PRKG1: variants seen among roughly 807,000 people sequenced by gnomAD.
PRKG1 encodes the protein protein kinase cGMP-dependent 1, also known as cGMP-dependent protein kinase 1.
A neutral mutation model predicts 88.1 loss-of-function variants in PRKG1; 35 were observed. That is an observed-to-expected ratio of 0.40 (90% CI 0.30 to 0.53). The LOEUF (loss-of-function observed/expected upper bound fraction) is 0.53. Among genes scored for constraint, PRKG1 ranks in the 20% least tolerant of loss-of-function variants. The probability of loss-of-function intolerance (pLI) is 0.59; values close to 1 mark genes in which losing one functional copy is unlikely to be tolerated. For synonymous variants in PRKG1, 303 were observed against 292.5 expected, an observed-to-expected ratio of 1.04 and a Z score of -0.37; for missense variants, 540 against 839.8, an observed-to-expected ratio of 0.64 and a Z score of 4.41.
chr10:51,520,475 T>A (rs934280464), intron 3 of PRKG1, among the ~76,000 whole-genome samples: 3 of 151,950 alleles, frequency 2.0e-5, no homozygotes, highest in Admixed American at 6.6e-5. Context: ...GTCTGTAAAT[T>A]GCATGAGGAA....
intron 3 of PRKG1, among the ~76,000 whole-genome samples, chr10:51,794,280 C>G (rs1838951294): frequency 1.3e-5 from 2 of 152,064 alleles, no homozygotes; most frequent in African/African-American, 4.8e-5. Flanking sequence ...CAACACCCTA[C>G]ATGTAGTAAT....
chr10:52,248,490 C>T (rs1841083168), intron 9 of PRKG1, among the ~76,000 whole-genome samples: 2 of 152,134 alleles, frequency 1.3e-5, no homozygotes, highest in South Asian at 4.1e-4. Flanking sequence ...CAAAATGTAT[C>T]TTACCAATAA....
At chr10:52,058,135 A>T (rs1030530233) in intron 6 of PRKG1, among the ~76,000 whole-genome samples, 1 of 151,944 alleles carries the variant, frequency 6.6e-6, no homozygotes, top group Admixed American at 6.6e-5. Flanking sequence ...TTATTAATGG[A>T]ACTGTTCTAT....
At chr10:51,665,774 T>C (rs1034634751) in intron 3 of PRKG1, among the ~76,000 whole-genome samples, 2 of 152,138 alleles carry the variant, frequency 1.3e-5, no homozygotes, top group East Asian at 1.9e-4. Context: ...AAAGAAATTA[T>C]ACTAATCTCA....
In PRKG1 at chr10:51,531,833, C is replaced by T. The variant is rs141362189; in HGVS notation, c.592+63997C>T. ...CTAATTTTTGTATTTTTAGTAGACA[C>T]GGGGTTTTACCATGTTGACCAGGCT... On this transcript the variant is annotated intron_variant, in intron 3 of 17. Transcript: ENST00000373980. Among the ~76,000 whole-genome samples the T allele has an allele frequency of 1.1e-3, 168 of 151,724 alleles. 1 individual carries two copies. Among genetic ancestry groups the T allele is most frequent in the African/African-American group, 3.6e-3 (151 of 41,376 alleles).
intron 3 of PRKG1, among the ~76,000 whole-genome samples, chr10:51,672,989 A>C (rs549898289): frequency 3.9e-5 from 6 of 152,180 alleles, no homozygotes; most frequent in Non-Finnish European, 8.8e-5. Flanking sequence ...CAGAGACCCA[A>C]GGTTCTGTCT....
chr10:52,161,940 T>C lies in PRKG1; in HGVS notation c.1053T>C (p.Tyr351=). Residue 351 remains tyrosine (Y), a synonymous_variant, in exon 9 of 18, where the codon TAT becomes TAC. Coordinates refer to ENST00000373980, the MANE Select transcript of PRKG1 (RefSeq NM_006258.4). ...TGGATGATGTTTCTAATAAAGCATA[T>C]GAAGATGCAGAAGCTAAAGCAAAGT... ...GGLDDVSNKA[Y]EDAEAKAKYE... is the part of the protein sequence containing the mutation. The C allele has an allele frequency of 6.2e-7, 1 of 1,612,356 alleles. No homozygotes were observed. Among genetic ancestry groups the C allele is most frequent in the South Asian group, 1.1e-5 (1 of 90,954 alleles).
At chr10:51,698,943 CTGGGATCAGTGGTGTGACATGTATCT>C (rs1222966864) in intron 3 of PRKG1, 3 of 1,614,088 alleles carry the variant, frequency 1.9e-6, no homozygotes. Flanking sequence ...TGAGATTTGC[CTGGGATCAGTGGTGTGACATGTATCT>C]TCCGATGCAG....
Position 51,623,522 on chromosome 10 carries a change from A to G in PRKG1, c.592+155686A>G, listed in dbSNP as rs187440829. On this transcript the variant is annotated intron_variant, in intron 3 of 17. Transcript: ENST00000373980. ...TGCACAACCACAATTTCAGTTTTGAAGCCAACTTTTAGTAATTGGGTACTT... is the reference window on the plus strand; with the variant it reads ...TGCACAACCACAATTTCAGTTTTGAGGCCAACTTTTAGTAATTGGGTACTT... Among the ~76,000 whole-genome samples, 239 of 152,212 alleles carry G rather than the reference A, an allele frequency of 1.6e-3. 3 individuals are homozygous for G. In the South Asian group the frequency reaches 0.021, roughly 13 times the overall value.
chr10:51,538,015 C>G (rs6480307), intron 3 of PRKG1, among the ~76,000 whole-genome samples: 121,860 of 152,126 alleles, frequency 0.8, 49,609 homozygotes, highest in East Asian at 0.98. Flanking sequence ...TGAGATAACT[C>G]AATATCAGAC....
intron 8 of PRKG1, among the ~76,000 whole-genome samples, chr10:52,134,336 A>G (rs1445317620): frequency 6.6e-6 from 1 of 152,178 alleles, no homozygotes; most frequent in African/African-American, 2.4e-5. Context: ...TATGCCCTCT[A>G]TTCTCCTATC....
At chr10:51,738,446 G>A (rs544410628) in intron 3 of PRKG1, among the ~76,000 whole-genome samples, 1 of 152,162 alleles carries the variant, frequency 6.6e-6, no homozygotes, top group Admixed American at 6.5e-5. Context: ...CTCTAAGATG[G>A]GCATAGTAAT....
chr10:51,529,995 C>G (rs966124437), intron 3 of PRKG1, among the ~76,000 whole-genome samples: 1 of 152,118 alleles, frequency 6.6e-6, no homozygotes, highest in Non-Finnish European at 1.5e-5. Context: ...TGCTTGCTCT[C>G]TTTTTTAACT....
intron 9 of PRKG1, among the ~76,000 whole-genome samples, chr10:52,206,512 C>T (rs1199262080): frequency 6.6e-6 from 1 of 152,204 alleles, no homozygotes; most frequent in Admixed American, 6.5e-5. Flanking sequence ...AGAGTACTTG[C>T]ACTGGTTCTT....
At chr10:51,127,662 T>C (rs1845465036) in intron 1 of PRKG1, among the ~76,000 whole-genome samples, 1 of 152,186 alleles carries the variant, frequency 6.6e-6, no homozygotes, top group Non-Finnish European at 1.5e-5. Context: ...TGCACACATA[T>C]GTTTATTGCA....
rs115682035 is a variant in PRKG1 at position 51,722,994 on chromosome 10, G to A, written c.593-81591G>A. 8.2e-3 allele frequency among the ~76,000 whole-genome samples: 1,246 copies of A among 152,216 alleles called. 19 individuals carry two copies. Among genetic ancestry groups the A allele is most frequent in the African/African-American group, 0.028 (1,168 of 41,526 alleles). On this transcript the variant is annotated intron_variant, in intron 3 of 17. Transcript: ENST00000373980. ...TGTGGCTCATCCAGCCCTTTGTTTA[G>A]AAGTTTTCTTTCATGAAAGTATGAT...
chr10:52,141,847 T>A (rs1222461238), intron 8 of PRKG1, among the ~76,000 whole-genome samples: 1 of 152,080 alleles, frequency 6.6e-6, no homozygotes, highest in Non-Finnish European at 1.5e-5. Flanking sequence ...TTACCAAGCG[T>A]TTTTTAGAAA....
At chr10:51,890,377 C>T (rs1841688559) in intron 4 of PRKG1, among the ~76,000 whole-genome samples, 1 of 152,160 alleles carries the variant, frequency 6.6e-6, no homozygotes, top group Admixed American at 6.5e-5. Flanking sequence ...TCCATCAAAA[C>T]TTACAGGTAT....
intron 3 of PRKG1, among the ~76,000 whole-genome samples, chr10:51,565,275 A>G (rs553281015): frequency 2.0e-5 from 3 of 152,254 alleles, no homozygotes; most frequent in East Asian, 3.9e-4. Context: ...TGCAATTTGA[A>G]TAAGCTCTTT....
Sources: allele counts gnomAD v4.1 joint callset (sites outside exome capture counted in the v4.1 genomes callset), GRCh38; gene constraint gnomAD v4.1.1; transcripts MANE v1.5; gene names NCBI Gene and HGNC (gene_info 2026-07-23, HGNC 2026-07-21).